The following SND1 variants were observed in gnomAD, a reference collection of about 807,000 sequenced individuals.
SND1 encodes staphylococcal nuclease and tudor domain containing 1, also known as staphylococcal nuclease domain-containing protein 1.
A neutral mutation model predicts 121.7 loss-of-function variants in SND1; 38 were observed. The ratio of observed to expected loss-of-function variants is 0.31; its 90% CI spans 0.24 to 0.41. The LOEUF (loss-of-function observed/expected upper bound fraction) is 0.41, where lower values mean the gene tolerates loss of function less well. SND1 is among the 10% of genes least tolerant of loss of function. The pLI is 1.00. For missense variants in SND1, 868 were observed against 1,184.6 expected, an observed-to-expected ratio of 0.73 and a Z score of 3.92; for synonymous variants, 401 against 447.4, an observed-to-expected ratio of 0.90 and a Z score of 1.31.
intron 1 of SND1, 139 bp downstream of exon 1, chr7:127,652,590 G>A: frequency 1.4e-6 from 1 of 718,986 alleles, no homozygotes; most frequent in Non-Finnish European, 2.3e-6. Flanking sequence ...TCGATTCTCC[G>A]AATCCTCTCA....
rs539486991 is a variant in SND1, at chr7:128,092,053, C to T, written c.2728C>T (p.Arg910Cys). ...ADDADEFGYSR is the reference protein window; with the variant it reads ...ADDADEFGYSC Reference sequence around the variant, plus strand: ...TGATGCAGACGAATTTGGCTACAGCCGCTAAGGAGGGGATCGGGTTTGGCC... The same window carrying T: ...TGATGCAGACGAATTTGGCTACAGCTGCTAAGGAGGGGATCGGGTTTGGCC... Residue 910 changes from arginine (R) to cysteine (C), a missense_variant, in exon 24 of 24, where the codon CGC (arginine) becomes TGC (cysteine). By Grantham distance (180) the Arg-to-Cys change is radical. Coordinates refer to ENST00000354725, the MANE Select transcript of SND1 (RefSeq NM_014390.4). This position sits in a 1 kb window ranked among gnomAD's most constrained non-coding sequence, Gnocchi z 4.9. The T allele has an allele frequency of 1.7e-5, 27 of 1,614,044 alleles. No homozygotes were observed. Among genetic ancestry groups the T allele is most frequent in the East Asian group, 1.1e-4 (5 of 44,888 alleles).
chr7:127,860,741 C>T (rs567330230), intron 12 of SND1, among the ~76,000 whole-genome samples: 1 of 152,162 alleles, frequency 6.6e-6, no homozygotes, highest in Admixed American at 6.5e-5. Flanking sequence ...CTTTTGTTGC[C>T]TCTCTTATTG....
chr7:127,961,591 T>C (rs1023616681), intron 15 of SND1, among the ~76,000 whole-genome samples: 4 of 152,234 alleles, frequency 2.6e-5, no homozygotes, highest in Non-Finnish European at 5.9e-5. Flanking sequence ...TAAATACTAC[T>C]TTTGCCATGT....
chr7:127,671,810 G>C (rs2582716), intron 1 of SND1, among the ~76,000 whole-genome samples: 8,485 of 152,220 alleles, frequency 0.056, 685 homozygotes, highest in African/African-American at 0.18. Context: ...TCTCTGTAAA[G>C]TACATCATAG....
At chr7:127,858,142 G>A in intron 12 of SND1, 1 of 844,616 alleles carries the variant, frequency 1.2e-6, no homozygotes, top group Non-Finnish European at 2.1e-6. Flanking sequence ...GGAGTGTGGG[G>A]GTGTGGGATT....
In SND1 at chr7:127,721,316, T is replaced by G; in HGVS notation, c.1068T>G (p.Ile356Met). Residue 356 changes from isoleucine (I) to methionine (M), a missense_variant, in exon 10 of 24, where the codon ATT (isoleucine) becomes ATG (methionine). Transcript: ENST00000354725. ...TGCAGGTTCTGAATGCTGATGCCAT[T>G]GTTGTGAAGCTGAACTCAGGCGATT... is the stretch of plus-strand genomic sequence containing the variant. ...KVMQVLNADA[I>M]VVKLNSGDYK... The G allele has an allele frequency of 6.2e-7, 1 of 1,613,710 alleles. No homozygotes were observed. Among genetic ancestry groups the G allele is most frequent in the Non-Finnish European group, 8.5e-7 (1 of 1,179,786 alleles).
intron 1 of SND1, among the ~76,000 whole-genome samples, chr7:127,654,541 A>G (rs1795179238): frequency 6.6e-6 from 1 of 152,208 alleles, no homozygotes; most frequent in Non-Finnish European, 1.5e-5. Flanking sequence ...CACAAATTGC[A>G]GGAAAGTGAA....
Position 128,092,280 on chromosome 7 carries a change from C to G in SND1, c.*222C>G. 1 of 554,860 alleles carries G rather than the reference C, an allele frequency of 1.8e-6. No individual in the cohort carries two copies. The allele number at this position is 554,860 out of a possible 1,614,324, so 34.4% of individuals were successfully genotyped here. A position where few individuals can be genotyped will look rare whatever the true frequency, so the allele number is the denominator to read the frequency against. Reference sequence around the variant, plus strand: ...CCTCTGGGATGATGGGCACTGCTATCCACAGTCTCTGCCAGTTGGTTTTAT... The same window carrying G: ...CCTCTGGGATGATGGGCACTGCTATGCACAGTCTCTGCCAGTTGGTTTTAT... On this transcript the variant is annotated 3_prime_UTR_variant, in exon 24 of 24. Coordinates refer to ENST00000354725, the MANE Select transcript of SND1 (RefSeq NM_014390.4). This position sits in a 1 kb window ranked among gnomAD's most constrained non-coding sequence, Gnocchi z 4.9.
chr7:127,729,003 A>G (rs1192023338), intron 10 of SND1, among the ~76,000 whole-genome samples: 18 of 148,476 alleles, frequency 1.2e-4, no homozygotes. Context: ...CTACACTCCC[A>G]GTTTTAATCT....
At chr7:127,906,331 G>C (rs544902803) in intron 14 of SND1, among the ~76,000 whole-genome samples, 1 of 152,250 alleles carries the variant, frequency 6.6e-6, no homozygotes, top group Non-Finnish European at 1.5e-5. Flanking sequence ...AACTCATCCA[G>C]TGCGATGTTA....
chr7:127,770,093 GGTGGCAGGCA>G (rs1797487811), intron 10 of SND1, among the ~76,000 whole-genome samples: 1 of 152,162 alleles, frequency 6.6e-6, no homozygotes, highest in South Asian at 2.1e-4. Context: ...CGGTGTGCAG[GGTGGCAGGCA>G]GTGGATACCA....
chr7:128,050,866 TAA>T (rs1793033482), intron 16 of SND1, among the ~76,000 whole-genome samples: 1 of 152,240 alleles, frequency 6.6e-6, no homozygotes, highest in South Asian at 2.1e-4. Context: ...GCAGCAGGGC[TAA>T]GTCAGTCCTC....
chr7:127,962,358 G>A lies in SND1; in HGVS notation c.1670-28589G>A, dbSNP rs892018269. ...ACAAAACCAGGTTCTTTGTATATAC[G>A]TATATATTTCTCTGGACGTGTGCAG... On this transcript the variant is annotated intron_variant, in intron 15 of 23. Transcript: ENST00000354725. 7.9e-5 allele frequency among the ~76,000 whole-genome samples: 12 copies of A among 152,140 alleles called. No homozygotes were observed. The South Asian group carries it at 8.3e-4, about 11-fold the overall frequency.
At chr7:127,772,866 T>C (rs1238886574) in intron 10 of SND1, among the ~76,000 whole-genome samples, 1 of 152,240 alleles carries the variant, frequency 6.6e-6, no homozygotes, top group Non-Finnish European at 1.5e-5. Context: ...TTTATTTCAG[T>C]TTCTTCCTTT....
At chr7:127,652,920 C>T (rs1171973417) in intron 1 of SND1, among the ~76,000 whole-genome samples, 4 of 152,120 alleles carry the variant, frequency 2.6e-5, no homozygotes, top group Non-Finnish European at 5.9e-5. Context: ...TTTTCTCACT[C>T]TGTGGCCCTC....
intron 19 of SND1, 41 bp downstream of exon 19, chr7:128,084,888 A>G (rs1419834496): frequency 4.5e-6 from 7 of 1,566,110 alleles, no homozygotes; most frequent in Non-Finnish European, 6.1e-6. Context: ...TTGAGCAGGA[A>G]CGATAGCAGG....
At chr7:128,036,981 C>A (rs1398247279) in intron 16 of SND1, among the ~76,000 whole-genome samples, 1 of 152,192 alleles carries the variant, frequency 6.6e-6, no homozygotes, top group Non-Finnish European at 1.5e-5. Flanking sequence ...CATATTTACT[C>A]CTCACAACAG....
intron 10 of SND1, among the ~76,000 whole-genome samples, chr7:127,756,742 T>C (rs572028779): frequency 6.6e-6 from 1 of 152,330 alleles, no homozygotes; most frequent in Admixed American, 6.5e-5. Context: ...GATGTACAGC[T>C]TCTTCATTTC....
intron 10 of SND1, among the ~76,000 whole-genome samples, chr7:127,729,631 G>GT (rs1796640179): frequency 6.6e-6 from 1 of 152,068 alleles, no homozygotes; most frequent in South Asian, 2.1e-4. Flanking sequence ...TTTAGGCACT[G>GT]TAGGTCTGGG....
Sources: gnomAD v4.1 joint callset for allele counts (sites outside exome capture counted in the v4.1 genomes callset) on GRCh38, gnomAD v4.1.1 for gene constraint, Gnocchi (gnomAD v3.1) non-coding constraint, MANE v1.5 for transcripts, NCBI Gene and HGNC (gene_info 2026-07-23, HGNC 2026-07-21) for gene names.